Variants in APBA2 observed in about 807,000 individuals in gnomAD.
APBA2 encodes amyloid-beta A4 precursor protein-binding family A member 2.
APBA2 carries 30 observed loss-of-function variants against 75.0 expected under a neutral mutation model. The observed-to-expected ratio is 0.40, with a 90% CI of 0.30 to 0.54. The LOEUF is 0.54. Ranked by LOEUF, APBA2 falls within the 20% of genes least tolerant of loss-of-function variation. The pLI, the probability that APBA2 is intolerant of heterozygous loss-of-function variation, is 0.49. For missense variants in APBA2, 801 were observed against 1,016.1 expected (o/e 0.79, Z 2.88); for synonymous variants, 444 against 409.6 (o/e 1.08, Z -1.01).
At chr15:28,935,429 C>T (rs772752105) in intron 2 of APBA2, among the ~76,000 whole-genome samples, 9 of 152,320 alleles carry the variant, frequency 5.9e-5, no homozygotes, top group African/African-American at 1.4e-4. Flanking sequence ...AGCTCACTGC[C>T]GCTGCTGTCT....
chr15:29,077,898 G>A (rs1158780593), intron 6 of APBA2, among the ~76,000 whole-genome samples: 2 of 152,220 alleles, frequency 1.3e-5, no homozygotes, highest in African/African-American at 4.8e-5. Context: ...TAATGGATAT[G>A]GGAAAAGTTT....
chr15:29,042,901 A>T (rs1435620443), intron 3 of APBA2, among the ~76,000 whole-genome samples: 1 of 152,106 alleles, frequency 6.6e-6, no homozygotes, highest in Non-Finnish European at 1.5e-5. Flanking sequence ...GCATGTTAAG[A>T]AAAAGGTCAG....
At chr15:29,058,169 G>A (rs374322270) in intron 4 of APBA2, among the ~76,000 whole-genome samples, 70 of 152,278 alleles carry the variant, frequency 4.6e-4, no homozygotes, top group South Asian at 3.7e-3. Context: ...TTCCCTGTCT[G>A]GGTAGATGTA....
intron 4 of APBA2, among the ~76,000 whole-genome samples, chr15:29,058,968 TAC>T (rs2042019656): frequency 6.6e-6 from 1 of 152,204 alleles, no homozygotes; most frequent in South Asian, 2.1e-4. Flanking sequence ...ATTTGATCCT[TAC>T]TATTCATGGA....
At chr15:29,015,219 G>A in intron 3 of APBA2, among the ~76,000 whole-genome samples, 1 of 152,216 alleles carries the variant, frequency 6.6e-6, no homozygotes, top group Admixed American at 6.5e-5. Context: ...GGAGCTGAGA[G>A]GCATGCTCTT....
At chr15:28,905,010 C>T (rs879526939) in intron 1 of APBA2, among the ~76,000 whole-genome samples, 39 of 152,256 alleles carry the variant, frequency 2.6e-4, no homozygotes, top group Admixed American at 5.2e-4. Flanking sequence ...TTCTTTTGAA[C>T]ATGTCTTATT....
chr15:28,951,077 A>T (rs564910275), intron 2 of APBA2, among the ~76,000 whole-genome samples: 1 of 152,304 alleles, frequency 6.6e-6, no homozygotes, highest in Admixed American at 6.5e-5. Context: ...CTGGGAGAAA[A>T]ATAGATGGTT....
chr15:28,937,390 CG>C (rs1256598613), intron 2 of APBA2, among the ~76,000 whole-genome samples: 1 of 152,202 alleles, frequency 6.6e-6, no homozygotes, highest in African/African-American at 2.4e-5. Flanking sequence ...ACAGTTTTGC[CG>C]TGACTGAATT....
chr15:28,969,128 T>TTCTC (rs755972827), intron 2 of APBA2, among the ~76,000 whole-genome samples: 5 of 137,026 alleles, frequency 3.6e-5, no homozygotes, highest in East Asian at 2.1e-4. Context: ...TTTCATTTCT[T>TTCTC]TTTCTTTCTT....
Position 28,889,320 on chromosome 15 carries a change from C to T in APBA2, c.-205+3042C>T, listed in dbSNP as rs545628473. Among the ~76,000 whole-genome samples the T allele has an allele frequency of 3.9e-5, 6 of 152,338 alleles. No homozygotes were observed. The East Asian group carries it at 7.7e-4, about 20-fold the overall frequency. On this transcript the variant is annotated intron_variant, in intron 1 of 14. Coordinates refer to ENST00000683413, the MANE Select transcript of APBA2 (RefSeq NM_001353788.2). ...GCCAGGCTCACTCTGTGGAACCCTA[C>T]GTACTGGTGGGGTGCCACTGCTGTG...
rs1004874586 is a variant in APBA2, at chr15:28,987,269, G to C, written c.-94-8484G>C. Among the ~76,000 whole-genome samples, 15 of 152,176 alleles carry C rather than the reference G, an allele frequency of 9.9e-5. 1 individual carries two copies. Among genetic ancestry groups the C allele is most frequent in the African/African-American group, 3.6e-4 (15 of 41,432 alleles). On this transcript the variant is annotated intron_variant, in intron 2 of 14. Coordinates refer to ENST00000683413, the MANE Select transcript of APBA2 (RefSeq NM_001353788.2). The stretch of plus-strand genomic sequence containing the variant: ...GTGTAACATATTATGCCAACACTTA[G>C]TGGTATAAAACAGTAAACATTTATT...
At chr15:29,043,658 A>G (rs2041163224) in intron 3 of APBA2, among the ~76,000 whole-genome samples, 2 of 152,144 alleles carry the variant, frequency 1.3e-5, no homozygotes, top group Non-Finnish European at 2.9e-5. Context: ...AATATTTCAG[A>G]TGCCACAAAA....
At chr15:28,974,717 A>T (rs753626009) in intron 2 of APBA2, among the ~76,000 whole-genome samples, 4 of 152,334 alleles carry the variant, frequency 2.6e-5, no homozygotes, top group Non-Finnish European at 4.4e-5. Context: ...TACACAAACC[A>T]AGTGCATAAT....
At chr15:28,924,922 T>C (rs780525039) in intron 2 of APBA2, among the ~76,000 whole-genome samples, 8 of 152,082 alleles carry the variant, frequency 5.3e-5, no homozygotes, top group Non-Finnish European at 1.2e-4. Flanking sequence ...CCAACACTTG[T>C]TAGTTTCTGT....
At position 28,908,960 on chromosome 15, in the gene APBA2, G is replaced by A. The variant is rs866590307; in HGVS notation, c.-204-12680G>A. On this transcript the variant is annotated intron_variant, in intron 1 of 14. Transcript: ENST00000683413. The stretch of plus-strand genomic sequence containing the variant: ...CTAACTCCTCCTTCCACCTCCCCCA[G>A]CCCCCGGCAGCCACCATTTTACTTC... 1.4e-4 allele frequency among the ~76,000 whole-genome samples: 20 copies of A among 147,884 alleles called. 1 individual carries two copies. Among genetic ancestry groups the A allele is most frequent in the African/African-American group, 4.8e-4 (19 of 39,776 alleles).
intron 10 of APBA2, among the ~76,000 whole-genome samples, chr15:29,104,339 G>A (rs987679445): frequency 2.6e-5 from 4 of 152,212 alleles, no homozygotes; most frequent in Admixed American, 1.3e-4. Context: ...TGTGGGCTGA[G>A]GCGTCACCAA....
intron 3 of APBA2, among the ~76,000 whole-genome samples, chr15:29,031,862 A>C (rs1181990888): frequency 6.6e-6 from 1 of 152,232 alleles, no homozygotes; most frequent in Non-Finnish European, 1.5e-5. Flanking sequence ...CACTCAACCC[A>C]GGAAGTTCAG....
chr15:28,953,677 GC>G (rs2036011105), intron 2 of APBA2, among the ~76,000 whole-genome samples: 1 of 152,088 alleles, frequency 6.6e-6, no homozygotes, highest in Non-Finnish European at 1.5e-5. Flanking sequence ...AGCAGTGTTT[GC>G]CACAGTCGTC....
intron 2 of APBA2, among the ~76,000 whole-genome samples, chr15:28,941,562 A>G (rs1387262473): frequency 6.6e-6 from 1 of 151,892 alleles, no homozygotes; most frequent in African/African-American, 2.4e-5. Flanking sequence ...AGGGGACATA[A>G]AAGGCACACA....
Sources: gnomAD v4.1 joint callset for allele counts (sites outside exome capture counted in the v4.1 genomes callset) on GRCh38, gnomAD v4.1.1 for gene constraint, MANE v1.5 for transcripts, NCBI Gene and HGNC (gene_info 2026-07-23, HGNC 2026-07-21) for gene names.